Variants in SLC26A7 observed in about 807,000 individuals in gnomAD.
SLC26A7 encodes the protein anion exchange transporter.
Under a neutral mutation model 82.5 loss-of-function variants are expected in SLC26A7, and 59 were observed. That is an observed-to-expected ratio of 0.72 (90% CI 0.58 to 0.89). The LOEUF is 0.89. Among genes scored for constraint, SLC26A7 ranks in the 40% least tolerant of loss-of-function variants. The pLI is 0.00. For missense variants in SLC26A7, 820 were observed against 793.0 expected (o/e 1.03, Z -0.41); for synonymous variants, 271 against 274.3 (o/e 0.99, Z 0.12).
chr8:91,212,752 A>G (rs1468529615), intron 1 of SLC26A7, among the ~76,000 whole-genome samples: 1 of 152,206 alleles, frequency 6.6e-6, no homozygotes, highest in Non-Finnish European at 1.5e-5. Flanking sequence ...TTTAATGTAC[A>G]TTAGGTACTA....
chr8:91,280,092 CT>C (rs1165397861), intron 2 of SLC26A7, among the ~76,000 whole-genome samples: 1 of 152,140 alleles, frequency 6.6e-6, no homozygotes, highest in Non-Finnish European at 1.5e-5. Flanking sequence ...TGTGCAGAAG[CT>C]TTTTAGTTTG....
At chr8:91,322,236 A>T (rs1326030345) in intron 5 of SLC26A7, among the ~76,000 whole-genome samples, 2 of 152,208 alleles carry the variant, frequency 1.3e-5, no homozygotes, top group African/African-American at 2.4e-5. Context: ...CATTAAAATT[A>T]AAAAAGCTAT....
intron 2 of SLC26A7, among the ~76,000 whole-genome samples, chr8:91,269,109 A>G (rs1373173993): frequency 6.6e-6 from 1 of 152,132 alleles, no homozygotes; most frequent in Non-Finnish European, 1.5e-5. Flanking sequence ...TACTAAAGAT[A>G]TAAGTGGTTT....
chr8:91,383,115 A>G (rs184742928), intron 15 of SLC26A7, among the ~76,000 whole-genome samples: 507 of 152,304 alleles, frequency 3.3e-3, no homozygotes, highest in Non-Finnish European at 5.7e-3. Flanking sequence ...ATAATAATCT[A>G]GAGAAGAGGA....
chr8:91,272,588 C>T (rs1425630673), intron 2 of SLC26A7, among the ~76,000 whole-genome samples: 1 of 152,002 alleles, frequency 6.6e-6, no homozygotes, highest in Non-Finnish European at 1.5e-5. Context: ...ATACCACTGA[C>T]GAAGGGCACT....
intron 3 of SLC26A7, among the ~76,000 whole-genome samples, chr8:91,293,844 A>G (rs1265650600): frequency 3.3e-5 from 5 of 152,226 alleles, no homozygotes; most frequent in Non-Finnish European, 4.4e-5. Context: ...TCTCAGAAGT[A>G]TCTGATTTGA....
intron 18 of SLC26A7, chr8:91,394,445 ATC>A: frequency 1.4e-6 from 2 of 1,399,190 alleles, no homozygotes; most frequent in Non-Finnish European, 1.9e-6. Context: ...TTATATTGCC[ATC>A]TTTGGAAATA....
intron 2 of SLC26A7, among the ~76,000 whole-genome samples, chr8:91,225,643 GTT>G (rs55732709): frequency 0.043 from 1,558 of 36,000 alleles, 9 homozygotes; most frequent in African/African-American, 0.071. Flanking sequence ...CTAGAAAAGT[GTT>G]TTTTTTTTTT....
chr8:91,309,313 A>G (rs1812410733), intron 4 of SLC26A7, among the ~76,000 whole-genome samples: 1 of 151,386 alleles, frequency 6.6e-6, no homozygotes, highest in Non-Finnish European at 1.5e-5. Flanking sequence ...TTATATATCC[A>G]TCTATGCCTA....
intron 2 of SLC26A7, among the ~76,000 whole-genome samples, chr8:91,250,706 C>T (rs1006382137): frequency 2.0e-5 from 3 of 152,080 alleles, no homozygotes; most frequent in Non-Finnish European, 4.4e-5. Context: ...TTCACTACCT[C>T]CTTGGCTTTA....
intron 5 of SLC26A7, among the ~76,000 whole-genome samples, chr8:91,325,673 C>G (rs1812913337): frequency 6.6e-6 from 1 of 152,144 alleles, no homozygotes; most frequent in Non-Finnish European, 1.5e-5. Flanking sequence ...AAATCTAAGA[C>G]TTCATGCTCT....
rs962948730 is a variant in SLC26A7, at chr8:91,389,262, C to T, written c.1676-76C>T. ...TGTTAAACATGAGGCCACTGTTACC[C>T]TCCCACCAGTCAACAAAGCCAGCAG... On this transcript the variant is annotated intron_variant, in intron 15 of 18. Transcript: ENST00000276609. 7.6e-5 allele frequency: 75 copies of T among 981,702 alleles called. No individual in the cohort carries two copies. The Admixed American group carries it at 1.4e-3, about 18-fold the overall frequency. 60.8% of individuals were successfully genotyped at this position (981,702 alleles called of 1,614,324 possible).
chr8:91,214,720 G>C (rs925187252), intron 1 of SLC26A7, among the ~76,000 whole-genome samples: 1 of 152,080 alleles, frequency 6.6e-6, no homozygotes, highest in Non-Finnish European at 1.5e-5. Context: ...TGCTTTTCAA[G>C]TCCTGCTAAT....
chr8:91,306,381 A>G (rs952089047), intron 4 of SLC26A7, among the ~76,000 whole-genome samples: 3 of 152,128 alleles, frequency 2.0e-5, no homozygotes, highest in Non-Finnish European at 2.9e-5. Context: ...CTTTTCTTAG[A>G]GTCCTTCTTT....
chr8:91,276,978 A>G (rs1271662939), intron 2 of SLC26A7, among the ~76,000 whole-genome samples: 1 of 152,210 alleles, frequency 6.6e-6, no homozygotes, highest in Non-Finnish European at 1.5e-5. Context: ...TTCAACACAC[A>G]TACATGCCTC....
intron 1 of SLC26A7, among the ~76,000 whole-genome samples, chr8:91,210,566 C>CACAG (rs1356845997): frequency 2.4e-5 from 1 of 41,756 alleles, no homozygotes; most frequent in African/African-American, 5.8e-5. Context: ...CACACAGACA[C>CACAG]ACACACACAC....
chr8:91,244,875 T>A (rs1242140024), upstream of SLC26A7, among the ~76,000 whole-genome samples: 1 of 151,854 alleles, frequency 6.6e-6, no homozygotes, highest in Admixed American at 6.6e-5. Context: ...CTATTATGTA[T>A]CAAAATAGAT....
chr8:91,356,714 G>A (rs895589038), intron 11 of SLC26A7, among the ~76,000 whole-genome samples: 7 of 152,146 alleles, frequency 4.6e-5, no homozygotes, highest in African/African-American at 1.4e-4. Flanking sequence ...CTTTTGCTGT[G>A]CAGAAGCTTT....
chr8:91,329,364 T>A (rs1813016506), intron 5 of SLC26A7, among the ~76,000 whole-genome samples: 1 of 152,190 alleles, frequency 6.6e-6, no homozygotes, highest in Non-Finnish European at 1.5e-5. Flanking sequence ...GTCATTAGAA[T>A]GACATTCCTC....
Sources: gnomAD v4.1 joint callset for allele counts (sites outside exome capture counted in the v4.1 genomes callset) on GRCh38, gnomAD v4.1.1 for gene constraint, MANE v1.5 for transcripts, NCBI Gene and HGNC (gene_info 2026-07-23, HGNC 2026-07-21) for gene names.